Variants in ICE1 observed in about 807,000 individuals in gnomAD.
The protein encoded by ICE1 is little elongation complex subunit 1.
Under a neutral mutation model 192.7 loss-of-function variants are expected in ICE1, and 64 were observed. The observed-to-expected ratio is 0.33, with a 90% confidence interval of 0.27 to 0.41. The LOEUF (loss-of-function observed/expected upper bound fraction) is 0.41, where lower values mean the gene tolerates loss of function less well. Ranked by LOEUF, ICE1 falls within the 10% of genes least tolerant of loss-of-function variation. ICE1 has a pLI of 1.00. For missense variants in ICE1, 2,708 were observed against 2,696.0 expected (o/e 1.00, Z -0.10); for synonymous variants, 1,010 against 984.5 (o/e 1.03, Z -0.49).
chr5:5,468,549 AATGTAATACAAAACCT>A (rs1490393316), intron 14 of ICE1, among the ~76,000 whole-genome samples: 1 of 152,244 alleles, frequency 6.6e-6, no homozygotes, highest in African/African-American at 2.4e-5. Context: ...AAACCTATGT[AATGTAATACAAAACCT>A]ATGTAATGCA....
Position 5,464,632 on chromosome 5 carries a change from C to T in ICE1, c.5298C>T (p.Leu1766=). 3 of 1,613,286 alleles carry T rather than the reference C, an allele frequency of 1.9e-6. No homozygotes were observed. The highest frequency in any genetic ancestry group is 2.5e-6 in the Non-Finnish European group (3 of 1,179,570). The part of the protein sequence containing the change: ...YPELSARART[L]NILKGNIQLT... ...AGTTATCTGCCAGGGCCCGGACCCT[C>T]AACATCCTCAAAGGGAATATTCAAC... Residue 1766 remains leucine (L), a synonymous_variant, in exon 13 of 19, where the codon CTC becomes CTT. Transcript: ENST00000296564. This position sits in a 1 kb window ranked among gnomAD's most constrained non-coding sequence, Gnocchi z 4.0.
chr5:5,443,582 T>G (rs550668753), intron 6 of ICE1, among the ~76,000 whole-genome samples: 72 of 152,212 alleles, frequency 4.7e-4, no homozygotes, highest in Admixed American at 1.2e-3. Context: ...GTGTATATAA[T>G]GCATTATGTA....
intron 13 of ICE1, 144 bp from the exon 14 acceptor site, chr5:5,466,190 C>T (rs1260469954): frequency 3.1e-6 from 2 of 641,008 alleles, no homozygotes; most frequent in Non-Finnish European, 4.9e-6. Context: ...TAAGTTCTTA[C>T]CAGTTACTAT....
At chr5:5,423,443 G>A (rs1351295533) in intron 1 of ICE1, among the ~76,000 whole-genome samples, 1 of 15,144 alleles carries the variant, frequency 6.6e-5, no homozygotes, top group Non-Finnish European at 1.1e-4. Flanking sequence ...CATGTGGGTT[G>A]TCTGAGTCTT....
chr5:5,480,896 A>G (rs1474915675), intron 17 of ICE1, among the ~76,000 whole-genome samples: 1 of 152,228 alleles, frequency 6.6e-6, no homozygotes, highest in African/African-American at 2.4e-5. Context: ...ACATCAGAAG[A>G]TAAGCAGAGG....
chr5:5,463,503 C>T lies in ICE1; in HGVS notation c.4169C>T (p.Ala1390Val). 6.2e-7 allele frequency: 1 copy of T among 1,613,314 alleles called. No individual in the cohort carries two copies. Among genetic ancestry groups the T allele is most frequent in the Non-Finnish European group, 8.5e-7 (1 of 1,179,538 alleles). ...ATAGAGCAAAGTTCTAACTGCGAGG[C>T]CGAAACAACATTTCAGTGTCAGATA... ...PSIEQSSNCE[A>V]ETTFQCQIAT... The change falls in exon 13 of 19, where the codon GCC becomes GTC. Residue 1390 changes from alanine to valine, a missense_variant. By Grantham distance (64) the Ala-to-Val change is moderately conservative. This residue lies in a region of ICE1 where 2,366 missense variants were observed against 2,276.6 expected (regional missense o/e 1.04). Coordinates refer to ENST00000296564, the MANE Select transcript of ICE1 (RefSeq NM_015325.3).
chr5:5,442,300 T>G (rs1209936618), intron 5 of ICE1, among the ~76,000 whole-genome samples: 1 of 152,244 alleles, frequency 6.6e-6, no homozygotes, highest in Non-Finnish European at 1.5e-5. Context: ...TGTTTGTGCC[T>G]CTCAGTCTTC....
rs775404995 is a variant in ICE1, at chr5:5,461,248, A to G, written c.1914A>G (p.Ala638=). 11 of 1,613,856 alleles carry G rather than the reference A, an allele frequency of 6.8e-6. No homozygotes were observed. The East Asian group carries it at 2.5e-4, about 36-fold the overall frequency. Residue 638 remains alanine (A), a synonymous_variant, in exon 13 of 19, where the codon GCA becomes GCG. Coordinates refer to ENST00000296564, the MANE Select transcript of ICE1 (RefSeq NM_015325.3). Reference sequence around the variant, plus strand: ...TTTCTTCCTCTTCTACCTTGGTAGCATTGTCTGTTGGCAGTAATCCCCAGT... The same window carrying G: ...TTTCTTCCTCTTCTACCTTGGTAGCGTTGTCTGTTGGCAGTAATCCCCAGT... ...TSFSSSSTLV[A]LSVGSNPQSS... is the part of the protein sequence containing the mutation.
At chr5:5,442,322 CTA>C (rs1284554331) in intron 5 of ICE1, among the ~76,000 whole-genome samples, 2 of 152,164 alleles carry the variant, frequency 1.3e-5, no homozygotes, top group African/African-American at 4.8e-5. Context: ...TCAAATTGTG[CTA>C]TTTTAGTGGT....
chr5:5,429,700 A>G (rs192947786), intron 1 of ICE1, among the ~76,000 whole-genome samples: 2 of 152,164 alleles, frequency 1.3e-5, no homozygotes, highest in South Asian at 2.1e-4. Context: ...GTCTTCTGTC[A>G]TGTCCTCTCA....
chr5:5,479,799 A>T (rs761968344), intron 17 of ICE1, among the ~76,000 whole-genome samples: 8 of 152,212 alleles, frequency 5.3e-5, no homozygotes, highest in Non-Finnish European at 7.3e-5. Flanking sequence ...AGGGACATGG[A>T]TGAAGCTGGA....
At chr5:5,474,904 T>C (rs1739266484) in intron 16 of ICE1, among the ~76,000 whole-genome samples, 1 of 152,230 alleles carries the variant, frequency 6.6e-6, no homozygotes, top group African/African-American at 2.4e-5. Flanking sequence ...AATCAAATCA[T>C]GGCACTCCTG....
At chr5:5,469,907 T>A (rs934126863) in intron 15 of ICE1, among the ~76,000 whole-genome samples, 1 of 152,140 alleles carries the variant, frequency 6.6e-6, no homozygotes, top group Non-Finnish European at 1.5e-5. Flanking sequence ...ACATCCTGAC[T>A]CCTACTAATG....
chr5:5,437,814 A>G lies in ICE1; in HGVS notation c.178+700A>G, dbSNP rs1474564951. On this transcript the variant is annotated intron_variant, in intron 3 of 18. Coordinates refer to ENST00000296564, the MANE Select transcript of ICE1 (RefSeq NM_015325.3). ...TAAAAACTTAAAGTTTCTCTCATAA[A>G]AGTAAACATACGTATACTCCTTTAG... is the stretch of plus-strand genomic sequence containing the variant. 3 of 152,346 alleles carry G rather than the reference A, an allele frequency of 2.0e-5. No homozygotes were observed. In the East Asian group the frequency reaches 5.8e-4, roughly 29 times the overall value. The allele number at this position is 152,346 out of a possible 1,614,324, so 9.4% of individuals were successfully genotyped here.
At chr5:5,470,550 C>CA (rs1739130655) in intron 15 of ICE1, among the ~76,000 whole-genome samples, 1 of 151,126 alleles carries the variant, frequency 6.6e-6, no homozygotes, top group Admixed American at 6.6e-5. Flanking sequence ...TCCAAATACT[C>CA]ACTTACAGAA....
intron 15 of ICE1, among the ~76,000 whole-genome samples, chr5:5,469,857 A>G (rs1389250275): frequency 1.3e-5 from 2 of 152,098 alleles, no homozygotes; most frequent in East Asian, 3.9e-4. Flanking sequence ...CATGTGAGGT[A>G]TTGTCATAAA....
At chr5:5,481,072 A>C (rs890337075) in intron 17 of ICE1, among the ~76,000 whole-genome samples, 2 of 152,208 alleles carry the variant, frequency 1.3e-5, no homozygotes, top group Admixed American at 6.5e-5. Flanking sequence ...GGTGACATCT[A>C]TATATCTGGA....
chr5:5,465,259 G>C (rs766305182), intron 13 of ICE1, 33 bp downstream of exon 13: 1 of 1,422,780 alleles, frequency 7.0e-7, no homozygotes, highest in South Asian at 1.4e-5. Flanking sequence ...GTGCATTAGG[G>C]ATTACATGTC....
In ICE1 at chr5:5,463,988, A is replaced by G; in HGVS notation, c.4654A>G (p.Asn1552Asp). 6.2e-7 allele frequency: 1 copy of G among 1,613,862 alleles called. No homozygotes were observed. Among genetic ancestry groups the G allele is most frequent in the Non-Finnish European group, 8.5e-7 (1 of 1,179,868 alleles). ...CTCAAAACTAGAGCCATCTGGCAAA[A>G]ATAAGAATCGATCAAAGATTTCAAA... ...YNSKLEPSGK[N>D]KNRSKISNKD... The change falls in exon 13 of 19, where the codon AAT becomes GAT. Residue 1552 changes from asparagine (N) to aspartate (D), a missense_variant. Asn to Asp is a conservative substitution (Grantham distance 23). Transcript: ENST00000296564.
Sources: gnomAD v4.1 joint callset for allele counts (sites outside exome capture counted in the v4.1 genomes callset) on GRCh38, gnomAD v4.1.1 for gene constraint, gnomAD v4.1.1 regional missense constraint, Gnocchi (gnomAD v3.1) non-coding constraint, MANE v1.5 for transcripts, NCBI Gene and HGNC (gene_info 2026-07-23, HGNC 2026-07-21) for gene names.